CACNA1C: variants seen among roughly 807,000 people sequenced by gnomAD.
The protein encoded by CACNA1C is voltage-dependent L-type calcium channel subunit alpha-1C.
A neutral mutation model predicts 229.0 loss-of-function variants in CACNA1C; 30 were observed. That is an observed-to-expected ratio of 0.13 (90% confidence interval 0.10 to 0.18). The LOEUF (loss-of-function observed/expected upper bound fraction) is 0.18, where lower values mean the gene tolerates loss of function less well. Ranked by LOEUF, CACNA1C falls within the 10% of genes least tolerant of loss-of-function variation. CACNA1C has a pLI of 1.00. For missense variants in CACNA1C, 1,658 were observed against 2,845.0 expected (o/e 0.58, Z 9.49); for synonymous variants, 1,114 against 1,132.5 (o/e 0.98, Z 0.33).
intron 3 of CACNA1C, among the ~76,000 whole-genome samples, chr12:2,343,231 G>A (rs1392492230): frequency 6.6e-6 from 1 of 152,146 alleles, no homozygotes; most frequent in Non-Finnish European, 1.5e-5. Flanking sequence ...GTTAAAATTG[G>A]GCGCAAAATG....
intron 1 of CACNA1C, chr12:2,004,472 C>G: frequency 6.3e-7 from 1 of 1,579,166 alleles, no homozygotes; most frequent in Non-Finnish European, 8.6e-7. Context: ...CTCTTGGAAG[C>G]CACTCTCAAT....
intron 3 of CACNA1C, among the ~76,000 whole-genome samples, chr12:2,418,536 TTGAG>T (rs917916205): frequency 8.6e-5 from 13 of 151,912 alleles, no homozygotes; most frequent in Admixed American, 2.6e-4. Flanking sequence ...AGATGAGTGT[TTGAG>T]TGAGGAGAGA....
chr12:2,462,982 G>A (rs1036879207), intron 5 of CACNA1C, among the ~76,000 whole-genome samples: 9 of 143,044 alleles, frequency 6.3e-5, no homozygotes, highest in South Asian at 2.2e-4. Context: ...GTGTGATCTC[G>A]GCTCACTGTA....
intron 7 of CACNA1C, among the ~76,000 whole-genome samples, chr12:2,501,408 A>G (rs1254527604): frequency 2.0e-5 from 3 of 152,096 alleles, no homozygotes; most frequent in African/African-American, 7.2e-5. Context: ...GGGCTGTCTC[A>G]ACCCCATTGC....
At chr12:2,374,318 A>G (rs1370874319) in intron 3 of CACNA1C, among the ~76,000 whole-genome samples, 3 of 151,920 alleles carry the variant, frequency 2.0e-5, no homozygotes, top group African/African-American at 7.3e-5. Context: ...GTGGTTTTTT[A>G]TTGTGGTGGC....
At chr12:2,535,744 A>AAACAACAC in intron 9 of CACNA1C, among the ~76,000 whole-genome samples, 1 of 151,294 alleles carries the variant, frequency 6.6e-6, no homozygotes, top group Non-Finnish European at 1.5e-5. Context: ...CCTAAAACTA[A>AAACAACAC]AACAACACAT....
intron 7 of CACNA1C, among the ~76,000 whole-genome samples, chr12:2,502,320 G>C (rs1435493799): frequency 6.6e-6 from 1 of 152,254 alleles, no homozygotes; most frequent in Non-Finnish European, 1.5e-5. Flanking sequence ...GTAGGCACCT[G>C]GGGTACACCC....
intron 3 of CACNA1C, among the ~76,000 whole-genome samples, chr12:2,263,101 G>T (rs962893042): frequency 6.6e-6 from 1 of 152,210 alleles, no homozygotes; most frequent in African/African-American, 2.4e-5. Flanking sequence ...GTCAGGGAAG[G>T]TGTTACTGTG....
chr12:2,674,630 C>G lies in CACNA1C; in HGVS notation c.4816C>G (p.Pro1606Ala). Reference sequence around the variant, plus strand: ...CATGAAGCTGCTGGACCAGGTGGTGCCCCCTGCAGGTGGTGAGTGCTCCCT... The same window carrying G: ...CATGAAGCTGCTGGACCAGGTGGTGGCCCCTGCAGGTGGTGAGTGCTCCCT... ...TSMKLLDQVVPPAGDDEVTVG... is the reference protein window; with the variant it reads ...TSMKLLDQVVAPAGDDEVTVG... The change falls in exon 39 of 47, where the codon CCC becomes GCC. Residue 1606 changes from proline to alanine, a missense_variant. Coordinates refer to ENST00000399655, the MANE Select transcript of CACNA1C (RefSeq NM_000719.7). 1 of 1,566,056 alleles carries G rather than the reference C, an allele frequency of 6.4e-7. No homozygotes were observed. Among genetic ancestry groups the G allele is most frequent in the Non-Finnish European group, 8.7e-7 (1 of 1,155,250 alleles).
At chr12:2,071,099 CTCCT>C in intron 1 of CACNA1C, among the ~76,000 whole-genome samples, 1 of 101,606 alleles carries the variant, frequency 9.8e-6, no homozygotes, top group Non-Finnish European at 2.1e-5. Context: ...TCCTTCCTTC[CTCCT>C]TCCTTCCCTT....
chr12:2,488,010 G>A lies in CACNA1C; in HGVS notation c.916+1748G>A, dbSNP rs1035169645. Among the ~76,000 whole-genome samples, 6 of 152,174 alleles carry A rather than the reference G, an allele frequency of 3.9e-5. No homozygotes were observed. The highest frequency in any genetic ancestry group is 1.4e-4 in the African/African-American group (6 of 41,434). On this transcript the variant is annotated intron_variant, in intron 6 of 46. Transcript: ENST00000399655. This position sits in a 1 kb window ranked among gnomAD's most constrained non-coding sequence, Gnocchi z 4.0. ...CTCCTCAGGAAGTCTCAGACATGTG[G>A]AGTCTCAAAGATTCCCCATCAGTTC...
chr12:1,980,940 GAC>G (rs113048962), intron 1 of CACNA1C, among the ~76,000 whole-genome samples: 4,131 of 152,024 alleles, frequency 0.027, 94 homozygotes, highest in Middle Eastern at 0.054. Context: ...AGTTGAAGGA[GAC>G]ATCCATAACA....
intron 3 of CACNA1C, among the ~76,000 whole-genome samples, chr12:2,425,962 G>A (rs1048357242): frequency 4.6e-5 from 7 of 152,176 alleles, no homozygotes; most frequent in East Asian, 1.9e-4. Flanking sequence ...TTTGGATTTC[G>A]TGGTATTCTT....
rs116529336 is a variant in CACNA1C at position 2,441,328 on chromosome 12, A to G, written c.478-7648A>G. ...AGCTCTACTGTGCACATGGGAGTAGACACTTCAGTCAGTCTCTCCAGACTG... is the reference window on the plus strand; with the variant it reads ...AGCTCTACTGTGCACATGGGAGTAGGCACTTCAGTCAGTCTCTCCAGACTG... On this transcript the variant is annotated intron_variant, in intron 3 of 46. Transcript: ENST00000399655. 3.3e-3 allele frequency among the ~76,000 whole-genome samples: 496 copies of G among 152,284 alleles called. 2 individuals carry two copies. Among genetic ancestry groups the G allele is most frequent in the African/African-American group, 0.011 (448 of 41,558 alleles).
At chr12:2,640,277 C>A (rs1036339971) in intron 30 of CACNA1C, among the ~76,000 whole-genome samples, 16 of 152,226 alleles carry the variant, frequency 1.1e-4, no homozygotes, top group African/African-American at 3.9e-4. Flanking sequence ...TCACAGTGCC[C>A]GCTGGCTAAA....
chr12:2,194,665 G>T (rs541891522), intron 3 of CACNA1C, among the ~76,000 whole-genome samples: 2 of 152,220 alleles, frequency 1.3e-5, no homozygotes, highest in South Asian at 4.1e-4. Flanking sequence ...GACTGGAGAA[G>T]TTTTGGGCCT....
At chr12:2,598,287 A>G (rs750406309) in intron 21 of CACNA1C, among the ~76,000 whole-genome samples, 6 of 152,148 alleles carry the variant, frequency 3.9e-5, no homozygotes, top group Non-Finnish European at 8.8e-5. Flanking sequence ...CAGTTCTGCT[A>G]AGGGAACTGC....
intron 3 of CACNA1C, among the ~76,000 whole-genome samples, chr12:2,271,946 A>T (rs2085218721): frequency 6.6e-6 from 1 of 152,184 alleles, no homozygotes; most frequent in Non-Finnish European, 1.5e-5. Context: ...AATGCATGCC[A>T]TGTGCCATGC....
At chr12:2,569,177 C>A (rs951173211) in intron 13 of CACNA1C, among the ~76,000 whole-genome samples, 9 of 152,154 alleles carry the variant, frequency 5.9e-5, no homozygotes, top group Non-Finnish European at 2.9e-5. Context: ...CTGTCTAGGC[C>A]AAGCAGTGAC....
Sources: gnomAD v4.1 joint callset for allele counts (sites outside exome capture counted in the v4.1 genomes callset) on GRCh38, gnomAD v4.1.1 for gene constraint, Gnocchi (gnomAD v3.1) non-coding constraint, MANE v1.5 for transcripts, NCBI Gene and HGNC (gene_info 2026-07-23, HGNC 2026-07-21) for gene names.